TRHDE: variants seen among roughly 807,000 people sequenced by gnomAD.
TRHDE encodes thyrotropin-releasing hormone-degrading ectoenzyme.
Under a neutral mutation model 125.7 loss-of-function variants are expected in TRHDE, and 72 were observed. The observed-to-expected ratio is 0.57, with a 90% CI of 0.47 to 0.70. The LOEUF (loss-of-function observed/expected upper bound fraction) is 0.70, where lower values mean the gene tolerates loss of function less well. TRHDE is among the 30% of genes least tolerant of loss of function. TRHDE has a pLI of 0.00. For missense variants in TRHDE, 1,110 were observed against 1,327.1 expected, an observed-to-expected ratio of 0.84 and a Z score of 2.54; for synonymous variants, 509 against 509.1, an observed-to-expected ratio of 1.00 and a Z score of 0.00.
chr12:72,265,899 C>T (rs576872073), intron 2 of TRHDE, among the ~76,000 whole-genome samples: 3 of 151,808 alleles, frequency 2.0e-5, no homozygotes, highest in South Asian at 2.1e-4. Flanking sequence ...TTACATACAG[C>T]GATATGACCT....
At chr12:72,415,538 C>T (rs562331540) in intron 3 of TRHDE, among the ~76,000 whole-genome samples, 8 of 152,082 alleles carry the variant, frequency 5.3e-5, no homozygotes, top group South Asian at 2.1e-4. Flanking sequence ...TGCTCCCCCT[C>T]CCCACTACCC....
chr12:72,111,691 T>C (rs1035312623), intron 2 of TRHDE, among the ~76,000 whole-genome samples: 1 of 152,236 alleles, frequency 6.6e-6, no homozygotes, highest in African/African-American at 2.4e-5. Flanking sequence ...TGATGAACTT[T>C]TGTGATAATA....
intron 12 of TRHDE, among the ~76,000 whole-genome samples, chr12:72,583,697 G>A (rs1252419217): frequency 6.6e-6 from 1 of 152,056 alleles, no homozygotes; most frequent in Non-Finnish European, 1.5e-5. Flanking sequence ...GTATATTTCT[G>A]GATTTTCAAG....
At chr12:72,479,828 A>G (rs1394271663) in intron 5 of TRHDE, among the ~76,000 whole-genome samples, 1 of 143,266 alleles carries the variant, frequency 7.0e-6, no homozygotes, top group Non-Finnish European at 1.5e-5. Flanking sequence ...CCACCCCACA[A>G]CAGTCCCCAG....
chr12:72,645,124 G>C (rs1874228801), intron 15 of TRHDE, among the ~76,000 whole-genome samples: 1 of 152,156 alleles, frequency 6.6e-6, no homozygotes, highest in African/African-American at 2.4e-5. Flanking sequence ...CCAAACAAAG[G>C]AACAAGATAA....
At chr12:72,307,466 G>C (rs753001970) in intron 2 of TRHDE, among the ~76,000 whole-genome samples, 3 of 151,976 alleles carry the variant, frequency 2.0e-5, no homozygotes, top group Non-Finnish European at 4.4e-5. Flanking sequence ...CACCACGCCT[G>C]GCCAGACTTG....
At chr12:72,438,052 A>T (rs1387255867) in intron 3 of TRHDE, among the ~76,000 whole-genome samples, 1 of 151,828 alleles carries the variant, frequency 6.6e-6, no homozygotes, top group African/African-American at 2.4e-5. Context: ...TGACTGGGTT[A>T]TTTCACTTAA....
intron 3 of TRHDE, among the ~76,000 whole-genome samples, chr12:72,383,717 G>GTTTT (rs1198685598): frequency 1.7e-5 from 2 of 120,720 alleles, no homozygotes; most frequent in South Asian, 5.6e-4. Context: ...GGTAATTTCT[G>GTTTT]TTTTTTTTTT....
chr12:72,450,670 G>A (rs1285686002), intron 3 of TRHDE, among the ~76,000 whole-genome samples: 2 of 152,014 alleles, frequency 1.3e-5, no homozygotes, highest in Non-Finnish European at 2.9e-5. Flanking sequence ...AAGAGGGACT[G>A]CTGGATCATA....
intron 3 of TRHDE, among the ~76,000 whole-genome samples, chr12:72,399,453 T>G (rs1360372300): frequency 6.6e-6 from 1 of 152,178 alleles, no homozygotes; most frequent in East Asian, 1.9e-4. Context: ...TTTATTTATT[T>G]AATAATAATA....
chr12:72,097,427 ATTTTCTCACTGAATTT>A (rs151220466), intron 1 of TRHDE, among the ~76,000 whole-genome samples: 81,617 of 123,928 alleles, frequency 0.66, 28,318 homozygotes, highest in Non-Finnish European at 0.75. Flanking sequence ...TTGCAGTAGC[ATTTTCTCACTGAATTT>A]TTTTTTTTTT....
chr12:72,269,030 T>A (rs1879132395), upstream of TRHDE, among the ~76,000 whole-genome samples: 5 of 152,112 alleles, frequency 3.3e-5, no homozygotes, highest in Admixed American at 3.3e-4. Context: ...TTGAATCCAG[T>A]GACCTATAAC....
chr12:72,288,839 C>T (rs1172140767), intron 2 of TRHDE, among the ~76,000 whole-genome samples: 1 of 152,000 alleles, frequency 6.6e-6, no homozygotes, highest in East Asian at 1.9e-4. Flanking sequence ...TTTAAAAATT[C>T]CTGCTTAATA....
chr12:72,415,234 A>G (rs1316753457), intron 3 of TRHDE, among the ~76,000 whole-genome samples: 1 of 152,148 alleles, frequency 6.6e-6, no homozygotes, highest in Non-Finnish European at 1.5e-5. Flanking sequence ...TGTTATGCAT[A>G]CATAAGAGTT....
chr12:72,468,653 A>G (rs1876499084), intron 3 of TRHDE, among the ~76,000 whole-genome samples: 2 of 152,086 alleles, frequency 1.3e-5, no homozygotes. Flanking sequence ...GCTATTTTCA[A>G]CCTGTTTTCA....
intron 2 of TRHDE, among the ~76,000 whole-genome samples, chr12:72,126,994 TAAAC>T (rs1332145280): frequency 1.3e-5 from 2 of 151,940 alleles, no homozygotes; most frequent in Non-Finnish European, 2.9e-5. Flanking sequence ...CTTAAACAAT[TAAAC>T]AAGCAAAAAC....
intron 6 of TRHDE, among the ~76,000 whole-genome samples, chr12:72,535,929 C>T (rs751153663): frequency 1.3e-5 from 2 of 152,112 alleles, no homozygotes; most frequent in Non-Finnish European, 2.9e-5. Flanking sequence ...GAAATTCTTA[C>T]TTCATAATTC....
intron 2 of TRHDE, among the ~76,000 whole-genome samples, chr12:72,318,579 G>GC (rs1410210843): frequency 2.0e-5 from 3 of 152,122 alleles, no homozygotes; most frequent in Non-Finnish European, 4.4e-5. Context: ...CCACGGCCCA[G>GC]CTGTGAGTGT....
chr12:72,431,510 G>A (rs1874476620), intron 3 of TRHDE, among the ~76,000 whole-genome samples: 1 of 151,972 alleles, frequency 6.6e-6, no homozygotes, highest in Non-Finnish European at 1.5e-5. Context: ...TTCACATGAT[G>A]AAAATGGAAA....
Sources: allele counts gnomAD v4.1 joint callset (sites outside exome capture counted in the v4.1 genomes callset), GRCh38; gene constraint gnomAD v4.1.1; transcripts MANE v1.5; gene names NCBI Gene and HGNC (gene_info 2026-07-23, HGNC 2026-07-21).